Variants in TRIM33 observed in about 807,000 individuals in gnomAD.
The protein encoded by TRIM33 is tripartite motif containing 33.
In TRIM33, 20 loss-of-function variants were observed where a neutral mutation model predicts 125.4. The ratio of observed to expected loss-of-function variants is 0.16; its 90% CI spans 0.11 to 0.23. The LOEUF (loss-of-function observed/expected upper bound fraction) is 0.23. Ranked by LOEUF, TRIM33 falls within the 10% of genes least tolerant of loss-of-function variation. The probability of loss-of-function intolerance (pLI) is 1.00; values close to 1 mark genes in which losing one functional copy is unlikely to be tolerated. For synonymous variants in TRIM33, 564 were observed against 513.9 expected (o/e 1.10, Z -1.32); for missense variants, 920 against 1,411.4 (o/e 0.65, Z 5.58).
At chr1:114,471,659 A>C (rs1051611841) in intron 1 of TRIM33, among the ~76,000 whole-genome samples, 5 of 152,164 alleles carry the variant, frequency 3.3e-5, no homozygotes, top group South Asian at 2.1e-4. Flanking sequence ...AAACAAAAAC[A>C]AACAGGAAGA....
In TRIM33 at chr1:114,398,065, T is replaced by C. The variant is rs965695134; in HGVS notation, c.3121-75A>G. 17 of 1,521,500 alleles carry C rather than the reference T, an allele frequency of 1.1e-5. No homozygotes were observed. The African/African-American group carries it at 2.1e-4, about 19-fold the overall frequency. 94.2% of individuals were successfully genotyped at this position (1,521,500 alleles called of 1,614,324 possible). A position where few individuals can be genotyped will look rare whatever the true frequency, so the allele number is the denominator to read the frequency against. On this transcript the variant is annotated intron_variant, in intron 18 of 19. Transcript: ENST00000358465. ...TCTAAAGTTATGAGACTGCATAGGA[T>C]TGGCGACGAAAAGTCAGCCATACTA...
chr1:114,470,144 G>C (rs953689474), intron 1 of TRIM33, among the ~76,000 whole-genome samples: 4 of 152,038 alleles, frequency 2.6e-5, no homozygotes, highest in African/African-American at 9.7e-5. Flanking sequence ...GGTATTCTTA[G>C]GGCTTCTTAT....
intron 1 of TRIM33, among the ~76,000 whole-genome samples, chr1:114,489,686 A>G (rs941295345): frequency 2.6e-5 from 4 of 152,110 alleles, no homozygotes; most frequent in African/African-American, 9.7e-5. Flanking sequence ...TTGAGGCTGC[A>G]GTGAGCTGTG....
At chr1:114,436,400 CAAAAAA>C (rs765728045) in intron 4 of TRIM33, among the ~76,000 whole-genome samples, 1 of 40,854 alleles carries the variant, frequency 2.4e-5, no homozygotes. Context: ...GACTCTGTCT[CAAAAAA>C]AAAAAAAAAA....
chr1:114,494,649 G>A (rs917397637), intron 1 of TRIM33, among the ~76,000 whole-genome samples: 1 of 152,090 alleles, frequency 6.6e-6, no homozygotes, highest in Non-Finnish European at 1.5e-5. Context: ...AGCACAACCC[G>A]AACAGGCAAC....
chr1:114,408,623 A>G, intron 13 of TRIM33, 54 bp downstream of exon 13: 2 of 1,132,576 alleles, frequency 1.8e-6, no homozygotes, highest in Non-Finnish European at 2.6e-6. Context: ...TTTATTATAC[A>G]TATTTGCTAT....
At position 114,397,220 on chromosome 1, in the gene TRIM33, G is replaced by A; in HGVS notation, c.*428C>T. On this transcript the variant is annotated 3_prime_UTR_variant, in exon 20 of 20. Transcript: ENST00000358465. ...CCTGATATGTATGTGTGTGAAGGGG[G>A]AGGGTTAAAAGTTGTTTTAATAACT... 8.2e-6 allele frequency: 2 copies of A among 244,132 alleles called. No individual in the cohort carries two copies. Among genetic ancestry groups the A allele is most frequent in the Admixed American group, 4.9e-5 (1 of 20,330 alleles). The allele number at this position is 244,132 out of a possible 1,614,324, so 15.1% of individuals were successfully genotyped here.
Position 114,510,570 on chromosome 1 carries a change from G to A in TRIM33, c.507C>T (p.Ser169=). The A allele has an allele frequency of 6.6e-7, 1 of 1,511,840 alleles. No homozygotes were observed. The highest frequency in any genetic ancestry group is 1.2e-5 in the South Asian group (1 of 80,896). The allele number at this position is 1,511,840 out of a possible 1,614,324, so 93.7% of individuals were successfully genotyped here. The change falls in exon 1 of 20, where the codon AGC becomes AGT. Residue 169 remains serine, a synonymous_variant. Coordinates refer to ENST00000358465, the MANE Select transcript of TRIM33 (RefSeq NM_015906.4). Reference sequence around the variant, plus strand: ...GCTCACCTTGCTGGATGTCGCCGTTGCTGCCCCCCGGGATGGGCACGCTGA... The same window carrying A: ...GCTCACCTTGCTGGATGTCGCCGTTACTGCCCCCCGGGATGGGCACGCTGA... ...RQLSVPIPGG[S]NGDIQQVGVI...
intron 11 of TRIM33, 135 bp from the exon 12 acceptor site, chr1:114,410,451 T>TC: frequency 1.1e-6 from 1 of 893,368 alleles, no homozygotes; most frequent in Non-Finnish European, 1.7e-6. Context: ...TATTATTGCT[T>TC]CCTTAGGGTC....
chr1:114,446,855 G>A (rs1000779287), intron 4 of TRIM33, among the ~76,000 whole-genome samples: 4 of 152,082 alleles, frequency 2.6e-5, no homozygotes, highest in Admixed American at 6.6e-5. Flanking sequence ...CCAGGAGTTC[G>A]AGACCAGCCC....
chr1:114,492,938 G>C lies in TRIM33; in HGVS notation c.526+17613C>G, dbSNP rs1031692018. On this transcript the variant is annotated intron_variant, in intron 1 of 19. Coordinates refer to ENST00000358465, the MANE Select transcript of TRIM33 (RefSeq NM_015906.4). ...GTCACAGATATGTAAGAATGGATTT[G>C]CTAGGTCACATGCTAATTTTATGTT... Among the ~76,000 whole-genome samples, 5 of 152,176 alleles carry C rather than the reference G, an allele frequency of 3.3e-5. No individual in the cohort carries two copies. In the South Asian group the frequency reaches 1.0e-3, roughly 31 times the overall value.
intron 1 of TRIM33, among the ~76,000 whole-genome samples, chr1:114,475,839 G>A (rs1312459793): frequency 6.6e-6 from 1 of 151,916 alleles, no homozygotes; most frequent in Admixed American, 6.6e-5. Context: ...CCCATCTCTA[G>A]AAAAACTTTA....
chr1:114,463,604 G>T (rs879253310), intron 2 of TRIM33, 48 bp from the exon 3 acceptor site: 6 of 1,037,322 alleles, frequency 5.8e-6, no homozygotes, highest in Non-Finnish European at 8.3e-6. Context: ...ATAAAATCTA[G>T]ATCTAAAAAA....
At chr1:114,425,788 C>T in intron 8 of TRIM33, 65 bp from the exon 9 acceptor site, 1 of 1,219,190 alleles carries the variant, frequency 8.2e-7, no homozygotes, top group Non-Finnish European at 1.2e-6. Flanking sequence ...GTTGAGTAAT[C>T]ACCATGTTTT....
intron 4 of TRIM33, among the ~76,000 whole-genome samples, chr1:114,438,248 A>G (rs1030376357): frequency 1.3e-5 from 2 of 152,224 alleles, no homozygotes; most frequent in African/African-American, 4.8e-5. Context: ...CATCTAGGGA[A>G]AAATGCATCA....
chr1:114,478,989 C>T (rs1488512327), intron 1 of TRIM33, among the ~76,000 whole-genome samples: 1 of 152,120 alleles, frequency 6.6e-6, no homozygotes. Flanking sequence ...CAGAGGTTTG[C>T]AGTGAGCCAA....
chr1:114,439,457 A>T (rs1258971363), intron 4 of TRIM33, among the ~76,000 whole-genome samples: 2 of 126,206 alleles, frequency 1.6e-5, no homozygotes, highest in Non-Finnish European at 3.2e-5. Flanking sequence ...CGACAGAGAG[A>T]GACTCTGTAT....
intron 11 of TRIM33, among the ~76,000 whole-genome samples, chr1:114,413,838 A>T (rs1393654252): frequency 2.0e-5 from 3 of 151,866 alleles, no homozygotes; most frequent in Non-Finnish European, 4.4e-5. Context: ...GTCAACTATT[A>T]GTAGCAAGAC....
chr1:114,440,741 T>C (rs1427026393), intron 4 of TRIM33, among the ~76,000 whole-genome samples: 1 of 152,154 alleles, frequency 6.6e-6, no homozygotes, highest in Non-Finnish European at 1.5e-5. Context: ...CTCCCTGTTT[T>C]GCATTTTCAA....
Sources: gnomAD v4.1 joint callset for allele counts (sites outside exome capture counted in the v4.1 genomes callset) on GRCh38, gnomAD v4.1.1 for gene constraint, MANE v1.5 for transcripts, NCBI Gene and HGNC (gene_info 2026-07-23, HGNC 2026-07-21) for gene names.